The following ABCB4 variants were observed in gnomAD, a reference collection of about 807,000 sequenced individuals.
The protein encoded by ABCB4 is ATP binding cassette subfamily B member 4.
A neutral mutation model predicts 145.7 loss-of-function variants in ABCB4; 76 were observed. The observed-to-expected ratio is 0.52, with a 90% confidence interval of 0.43 to 0.63. The LOEUF (loss-of-function observed/expected upper bound fraction) is 0.63. Among genes scored for constraint, ABCB4 ranks in the 30% least tolerant of loss-of-function variants. The pLI is 0.00. For synonymous variants in ABCB4, 517 were observed against 566.8 expected (o/e 0.91, Z 1.25); for missense variants, 1,234 against 1,553.1 (o/e 0.79, Z 3.45).
intron 7 of ABCB4, 40 bp from the exon 8 acceptor site, chr7:87,450,132 G>GAA (rs1811615516): frequency 6.2e-7 from 1 of 1,612,282 alleles, no homozygotes; most frequent in East Asian, 2.2e-5. Flanking sequence ...TGTATAGGGA[G>GAA]AAAAGTTTAA....
At chr7:87,376,322 T>C in the ABCB4 span, among the ~76,000 whole-genome samples, 1 of 152,102 alleles carries the variant, frequency 6.6e-6, no homozygotes, top group Non-Finnish European at 1.5e-5. Flanking sequence ...CCTGCACTAG[T>C]GTATCTTGAC....
chr7:87,431,384 A>G lies in ABCB4; in HGVS notation c.1893+20T>C. 1 of 1,613,950 alleles carries G rather than the reference A, an allele frequency of 6.2e-7. No homozygotes were observed. On this transcript the variant is annotated intron_variant, in intron 15 of 27. Transcript: ENST00000649586. ...ATATTGAGGAGCAAATAGCAGAAAA[A>G]ATTCCTGAAAAGCAAGTACCTGCAT... is the stretch of plus-strand genomic sequence containing the variant.
In ABCB4 at chr7:87,444,777, T is replaced by C. The variant is rs149099726; in HGVS notation, c.1119+85A>G. On this transcript the variant is annotated intron_variant, in intron 10 of 27. Coordinates refer to ENST00000649586, the MANE Select transcript of ABCB4 (RefSeq NM_000443.4). ...GTCAGTACAACTTATTCAATGTAGT[T>C]GATTCAAAAATATGCAAACTAAAGC... The C allele has an allele frequency of 1.1e-5, 11 of 969,468 alleles. No homozygotes were observed. In the African/African-American group the frequency reaches 1.6e-4, roughly 14 times the overall value. 60.1% of individuals were successfully genotyped at this position (969,468 alleles called of 1,614,324 possible).
intron 10 of ABCB4, among the ~76,000 whole-genome samples, 191 bp downstream of exon 10, chr7:87,444,671 T>C (rs1811225138): frequency 1.3e-5 from 2 of 152,176 alleles, no homozygotes; most frequent in Non-Finnish European, 2.9e-5. Flanking sequence ...TAAAGATACA[T>C]TTAAAAAATA....
the ABCB4 span, among the ~76,000 whole-genome samples, chr7:87,393,619 G>T: frequency 6.6e-5 from 10 of 152,080 alleles, no homozygotes; most frequent in African/African-American, 2.4e-4. Context: ...TGATAGCAAG[G>T]CTTGTAAGGT....
downstream of ABCB4, chr7:87,398,768 C>A: frequency 1.1e-6 from 1 of 907,010 alleles, no homozygotes; most frequent in Non-Finnish European, 1.6e-6. Context: ...GTTAAGAAAA[C>A]TTGTTAAATG....
chr7:87,454,382 C>A (rs1459580625), intron 5 of ABCB4, among the ~76,000 whole-genome samples, 153 bp downstream of exon 5: 2 of 152,118 alleles, frequency 1.3e-5, no homozygotes, highest in African/African-American at 4.8e-5. Context: ...ATGATGTGTG[C>A]ATCTTACTTT....
At chr7:87,392,652 A>G in the ABCB4 span, 2 of 1,612,520 alleles carry the variant, frequency 1.2e-6, no homozygotes, top group Non-Finnish European at 1.7e-6. Flanking sequence ...AAGGTACTTA[A>G]GTTAAAATTT....
intron 21 of ABCB4, 40 bp from the exon 22 acceptor site, chr7:87,413,757 C>A: frequency 7.4e-7 from 1 of 1,350,660 alleles, no homozygotes; most frequent in Non-Finnish European, 1.1e-6. Context: ...GTGGTGTTTT[C>A]ACTTCTGAAA....
Position 87,420,165 on chromosome 7 carries a change from T to C in ABCB4, c.2317-90A>G, listed in dbSNP as rs1809317142. The C allele has an allele frequency of 7.1e-6, 9 of 1,270,420 alleles. No individual in the cohort carries two copies. In the Admixed American group the frequency reaches 1.4e-4, roughly 19 times the overall value. 78.7% of individuals were successfully genotyped at this position (1,270,420 alleles called of 1,614,324 possible). A position where few individuals can be genotyped will look rare whatever the true frequency, so the allele number is the denominator to read the frequency against. ...ATGTTCAACTTTTATGTAGCAAAGT[T>C]ATGAGTTGTTTTACAGTTGCCACGG... is the stretch of plus-strand genomic sequence containing the variant. On this transcript the variant is annotated intron_variant, in intron 18 of 27. Coordinates refer to ENST00000649586, the MANE Select transcript of ABCB4 (RefSeq NM_000443.4).
chr7:87,464,259 C>T (rs1584785789), intron 3 of ABCB4, among the ~76,000 whole-genome samples: 1 of 152,232 alleles, frequency 6.6e-6, no homozygotes, highest in East Asian at 1.9e-4. Context: ...GGAGTTCAGG[C>T]AAGGTTTCAG....
intron 8 of ABCB4, among the ~76,000 whole-genome samples, chr7:87,448,363 A>G (rs1041145389): frequency 6.6e-6 from 1 of 152,218 alleles, no homozygotes; most frequent in African/African-American, 2.4e-5. Context: ...TAGTCTTTTA[A>G]AAAACATATT....
chr7:87,437,387 T>G lies in ABCB4; in HGVS notation c.1731+2280A>C, dbSNP rs45622838. On this transcript the variant is annotated intron_variant, in intron 14 of 27. Coordinates refer to ENST00000649586, the MANE Select transcript of ABCB4 (RefSeq NM_000443.4). Reference sequence around the variant, plus strand: ...TGGACCATTTTAATGAAGCCAGCCCTCCAGGTAAATGCAGCCATGTGCTCA... The same window carrying G: ...TGGACCATTTTAATGAAGCCAGCCCGCCAGGTAAATGCAGCCATGTGCTCA... Among the ~76,000 whole-genome samples the G allele has an allele frequency of 4.6e-3, 695 of 152,230 alleles. 8 individuals carry two copies. The highest frequency in any genetic ancestry group is 0.016 in the African/African-American group (664 of 41,540).
chr7:87,445,039 T>G, intron 9 of ABCB4, 64 bp from the exon 10 acceptor site: 1 of 1,058,726 alleles, frequency 9.4e-7, no homozygotes, highest in Non-Finnish European at 1.4e-6. Flanking sequence ...ATCTAAAATG[T>G]GATGTATATG....
In ABCB4 at chr7:87,409,280, T is replaced by G. The variant is rs2230029; in HGVS notation, c.3037A>C (p.Arg1013=). 2.0e-3 allele frequency: 3,263 copies of G among 1,614,144 alleles called. 10 individuals are homozygous for G. Among genetic ancestry groups the G allele is most frequent in the Non-Finnish European group, 2.5e-3 (2,955 of 1,180,008 alleles). Residue 1013 remains arginine (R), a synonymous_variant, in exon 24 of 28, where the codon AGA becomes CGA. Coordinates refer to ENST00000649586, the MANE Select transcript of ABCB4 (RefSeq NM_000443.4). ...CTGTAGCTGTCAATCAGAGGTTGTC[T>G]TTCAAACAGCATGAATAAGTGGGCT... ...SAAHLFMLFE[R]QPLIDSYSEE... is the part of the protein sequence containing the mutation.
At chr7:87,437,476 T>A (rs45488793) in intron 14 of ABCB4, among the ~76,000 whole-genome samples, 1 of 152,152 alleles carries the variant, frequency 6.6e-6, no homozygotes, top group African/African-American at 2.4e-5. Context: ...GGACTCAAGA[T>A]AGTTTCTTAC....
rs1307697248 is a variant in ABCB4, at chr7:87,443,705, G to A, written c.1188C>T (p.Phe396=). The change falls in exon 11 of 28, where the codon TTC becomes TTT. Residue 396 remains phenylalanine, a synonymous_variant. Transcript: ENST00000649586. ...AAGGGTAAGAAAAGTGAACATCATTGAACTCCAAATTCCCTTTGATGCTGT... is the reference window on the plus strand; with the variant it reads ...AAGGGTAAGAAAAGTGAACATCATTAAACTCCAAATTCCCTTTGATGCTGT... ...KPDSIKGNLE[F]NDVHFSYPSR... is the part of the protein sequence containing the mutation. 1.2e-6 allele frequency: 2 copies of A among 1,613,914 alleles called. No individual in the cohort carries two copies. Among genetic ancestry groups the A allele is most frequent in the Non-Finnish European group, 8.5e-7 (1 of 1,179,908 alleles).
chr7:87,426,947 G>GTGTGTA (rs770980052), intron 15 of ABCB4, 27 bp from the exon 16 acceptor site: 1 of 1,287,514 alleles, frequency 7.8e-7, no homozygotes. Context: ...ACATTAAAGT[G>GTGTGTA]TGTGTGTGTG....
the ABCB4 span, among the ~76,000 whole-genome samples, chr7:87,375,005 A>G: frequency 6.6e-6 from 1 of 152,086 alleles, no homozygotes; most frequent in South Asian, 2.1e-4. Flanking sequence ...TATCTGCTGT[A>G]TGTTTAAAGA....
Sources: gnomAD v4.1 joint callset for allele counts (sites outside exome capture counted in the v4.1 genomes callset) on GRCh38, gnomAD v4.1.1 for gene constraint, MANE v1.5 for transcripts, NCBI Gene and HGNC (gene_info 2026-07-23, HGNC 2026-07-21) for gene names.